The following MFSD1 variants were observed in gnomAD, a reference collection of about 807,000 sequenced individuals.
MFSD1 encodes lysosomal dipeptide transporter MFSD1.
MFSD1 carries 59 observed loss-of-function variants against 67.1 expected under a neutral mutation model. The ratio of observed to expected loss-of-function variants is 0.88; its 90% confidence interval spans 0.71 to 1.09. The LOEUF (loss-of-function observed/expected upper bound fraction) is 1.09, where lower values mean the gene tolerates loss of function less well. MFSD1 is among the 50% of genes least tolerant of loss of function. The probability of loss-of-function intolerance (pLI) is 0.00; values close to 1 mark genes in which losing one functional copy is unlikely to be tolerated. For synonymous variants in MFSD1, 213 were observed against 200.3 expected (o/e 1.06, Z -0.54); for missense variants, 552 against 566.1 (o/e 0.97, Z 0.25).
intron 7 of MFSD1, among the ~76,000 whole-genome samples, chr3:158,816,424 A>T (rs1730348530): frequency 6.6e-6 from 1 of 152,010 alleles, no homozygotes; most frequent in Admixed American, 6.5e-5. Context: ...GCATTTTTTC[A>T]TGTGTCTTTT....
At chr3:158,823,386 G>A (rs905449286) in intron 11 of MFSD1, 42 bp from the exon 12 acceptor site, 6 of 1,329,576 alleles carry the variant, frequency 4.5e-6, no homozygotes, top group Non-Finnish European at 6.5e-6. Context: ...TCACCTTTTG[G>A]TTAATGTAAG....
intron 3 of MFSD1, among the ~76,000 whole-genome samples, chr3:158,806,315 C>T (rs1729725658): frequency 6.6e-6 from 1 of 152,020 alleles, no homozygotes; most frequent in Admixed American, 6.6e-5. Flanking sequence ...GAGGAGTTTG[C>T]TTGGTCAGAT....
intron 15 of MFSD1, 38 bp from the exon 16 acceptor site, chr3:158,828,941 T>C (rs1430731697): frequency 1.9e-6 from 3 of 1,592,866 alleles, no homozygotes; most frequent in Non-Finnish European, 1.7e-6. Context: ...CATGTTTTTT[T>C]CTTCCTCTTT....
chr3:158,828,934 GT>G, intron 15 of MFSD1, 44 bp from the exon 16 acceptor site: 1 of 1,587,212 alleles, frequency 6.3e-7, no homozygotes, highest in Admixed American at 1.8e-5. Flanking sequence ...TGAGCTTCAT[GT>G]TTTTTTCTTC....
intron 7 of MFSD1, among the ~76,000 whole-genome samples, chr3:158,816,830 A>C (rs1331164226): frequency 6.9e-6 from 1 of 144,056 alleles, no homozygotes; most frequent in East Asian, 2.1e-4. Flanking sequence ...TTTTTGTATC[A>C]GGGGTAAGGA....
chr3:158,813,013 C>T (rs899550832), intron 6 of MFSD1, among the ~76,000 whole-genome samples: 1 of 151,888 alleles, frequency 6.6e-6, no homozygotes, highest in Non-Finnish European at 1.5e-5. Context: ...GTTGGGAGGC[C>T]TCCACTCCCA....
Position 158,826,024 on chromosome 3 carries a change from T to C in MFSD1, c.1298T>C (p.Leu433Ser), listed in dbSNP as rs748240132. Residue 433 changes from leucine to serine, a missense_variant, in exon 14 of 16, where the codon TTA (leucine) becomes TCA (serine). Transcript: ENST00000415822. ...FFIACVSLSL[L>S]SVVLLYLVNR... ...GTTTTTTCACTCCTAGTGTCACTTT[T>C]ATCTGTGGTCTTACTCTATTTGGTG... 5 of 1,613,404 alleles carry C rather than the reference T, an allele frequency of 3.1e-6. No homozygotes were observed. In the South Asian group the frequency reaches 5.5e-5, roughly 18 times the overall value.
chr3:158,802,545 T>C, intron 1 of MFSD1: 1 of 706,028 alleles, frequency 1.4e-6, no homozygotes, highest in Non-Finnish European at 2.6e-6. Context: ...TGGGCGAGTT[T>C]TGTGGCACTC....
At chr3:158,813,887 C>A (rs920920398) in intron 6 of MFSD1, 78 bp from the exon 7 acceptor site, 3 of 994,844 alleles carry the variant, frequency 3.0e-6, no homozygotes, top group South Asian at 3.4e-5. Context: ...TCTGAGCCAC[C>A]TCAAATCCCT....
At chr3:158,821,499 G>A in intron 9 of MFSD1, 98 bp from the exon 10 acceptor site, 1 of 763,260 alleles carries the variant, frequency 1.3e-6, no homozygotes. Context: ...TATCAAGAAA[G>A]AAGCTGATTA....
At chr3:158,824,267 C>G in intron 13 of MFSD1, 31 bp downstream of exon 13, 1 of 1,432,956 alleles carries the variant, frequency 7.0e-7, no homozygotes, top group South Asian at 1.2e-5. Flanking sequence ...CATTTTGTTT[C>G]TTTTACTACA....
intron 1 of MFSD1, among the ~76,000 whole-genome samples, chr3:158,803,540 T>C (rs537533746): frequency 1.3e-5 from 2 of 152,292 alleles, no homozygotes; most frequent in East Asian, 3.9e-4. Context: ...TGGTAAATTC[T>C]GGTTATCTGC....
At chr3:158,827,233 A>T (rs1731020232) in intron 14 of MFSD1, 47 bp from the exon 15 acceptor site, 2 of 1,206,406 alleles carry the variant, frequency 1.7e-6, no homozygotes, top group Non-Finnish European at 2.3e-6. Flanking sequence ...AAATTTACTT[A>T]CTGATAATAC....
chr3:158,824,464 T>A, intron 13 of MFSD1: 1 of 465,982 alleles, frequency 2.1e-6, no homozygotes, highest in African/African-American at 2.0e-5. Context: ...TATTTACAGT[T>A]TAAAAAAAAA....
At chr3:158,826,750 C>T (rs1559925869) in intron 14 of MFSD1, among the ~76,000 whole-genome samples, 1 of 151,722 alleles carries the variant, frequency 6.6e-6, no homozygotes, top group Non-Finnish European at 1.5e-5. Flanking sequence ...TCACTGCAGC[C>T]TCAACCTCCC....
Position 158,827,976 on chromosome 3 carries a change from G to GAGAGAGAGAC in MFSD1, c.1394+642_1394+643insGAGAGACAGA, listed in dbSNP as rs1553759912. Among the ~76,000 whole-genome samples the GAGAGAGAGAC allele has an allele frequency of 1.7e-3, 136 of 78,702 alleles. 8 individuals carry two copies. The highest frequency in any genetic ancestry group is 3.8e-3 in the East Asian group (9 of 2,338). The allele number at this position is 78,702 out of a possible 152,430, so 51.6% of individuals were successfully genotyped here. A position where few individuals can be genotyped will look rare whatever the true frequency, so the allele number is the denominator to read the frequency against. On this transcript the variant is annotated intron_variant, in intron 15 of 15. Transcript: ENST00000415822. ...AGAGAGAGAGAGAGAGAGAGAGAGA[G>GAGAGAGAGAC]AGACAGAGATCGATCTATATTACTT...
rs1439653736 is a variant in MFSD1, at chr3:158,822,050, G to A, written c.987G>A (p.Lys329=). Residue 329 remains lysine, a synonymous_variant, in exon 11 of 16, where the codon AAG becomes AAA. Transcript: ENST00000415822. ...GGCTCCTGGTGGATAAAACAGGGAA[G>A]AACATCATCTGGGTTCTTTGCGCAG... ...VFGLLVDKTG[K]NIIWVLCAVA... The A allele has an allele frequency of 6.2e-7, 1 of 1,613,964 alleles. No homozygotes were observed. Among genetic ancestry groups the A allele is most frequent in the Non-Finnish European group, 8.5e-7 (1 of 1,179,900 alleles).
intron 10 of MFSD1, 30 bp from the exon 11 acceptor site, chr3:158,821,954 C>T (rs1467519955): frequency 6.3e-7 from 1 of 1,593,392 alleles, no homozygotes; most frequent in African/African-American, 1.3e-5. Context: ...TGTTGCATTT[C>T]ATGAAATGTC....
At chr3:158,813,818 C>A in intron 6 of MFSD1, 147 bp from the exon 7 acceptor site, 4 of 282,212 alleles carry the variant, frequency 1.4e-5, no homozygotes, top group Non-Finnish European at 1.3e-5. Context: ...CTTGGTTTGT[C>A]AATTTTTTCT....
Sources: gnomAD v4.1 joint callset for allele counts (sites outside exome capture counted in the v4.1 genomes callset) on GRCh38, gnomAD v4.1.1 for gene constraint, MANE v1.5 for transcripts, NCBI Gene and HGNC (gene_info 2026-07-23, HGNC 2026-07-21) for gene names.